The following CCSER1 variants were observed in gnomAD, a reference collection of about 807,000 sequenced individuals.
The protein encoded by CCSER1 is serine-rich coiled-coil domain-containing protein 1.
CCSER1 carries 41 observed loss-of-function variants against 82.0 expected under a neutral mutation model. The ratio of observed to expected loss-of-function variants is 0.50; its 90% CI spans 0.39 to 0.65. The LOEUF is 0.65. Among genes scored for constraint, CCSER1 ranks in the 30% least tolerant of loss-of-function variants. CCSER1 has a pLI of 0.00. For synonymous variants in CCSER1, 414 were observed against 383.9 expected (o/e 1.08, Z -0.92); for missense variants, 1,119 against 1,064.2 (o/e 1.05, Z -0.72).
At chr4:90,738,853 T>C (rs1426148712) in intron 7 of CCSER1, among the ~76,000 whole-genome samples, 2 of 152,130 alleles carry the variant, frequency 1.3e-5, no homozygotes, top group Admixed American at 1.3e-4. Flanking sequence ...CCTGAGTCTC[T>C]CCTTTCAGAG....
intron 8 of CCSER1, among the ~76,000 whole-genome samples, chr4:90,916,144 C>T (rs542165567): frequency 6.6e-6 from 1 of 152,228 alleles, no homozygotes; most frequent in African/African-American, 2.4e-5. Context: ...TGACTTTCCT[C>T]ACAGAATTGG....
chr4:90,930,855 C>T (rs1021455718), intron 9 of CCSER1, among the ~76,000 whole-genome samples: 4 of 145,650 alleles, frequency 2.7e-5, no homozygotes, highest in African/African-American at 1.0e-4. Flanking sequence ...ACATTGCTTT[C>T]CTTTGATGTG....
chr4:90,257,068 G>C (rs1723444049), intron 1 of CCSER1, among the ~76,000 whole-genome samples: 1 of 152,058 alleles, frequency 6.6e-6, no homozygotes, highest in Admixed American at 6.6e-5. Context: ...ATGGGTAAGA[G>C]AGGGATTGCT....
intron 3 of CCSER1, among the ~76,000 whole-genome samples, chr4:90,387,267 G>C (rs900189190): frequency 3.3e-5 from 5 of 151,820 alleles, no homozygotes; most frequent in African/African-American, 1.2e-4. Context: ...CTCCTTACCT[G>C]CAGATATGGC....
intron 9 of CCSER1, among the ~76,000 whole-genome samples, chr4:90,973,626 A>G (rs1191700882): frequency 6.6e-6 from 1 of 151,732 alleles, no homozygotes; most frequent in East Asian, 1.9e-4. Flanking sequence ...TTAGACTAGA[A>G]CTATCAAATA....
chr4:90,456,335 C>T (rs891398643), intron 4 of CCSER1, among the ~76,000 whole-genome samples: 24 of 152,180 alleles, frequency 1.6e-4, no homozygotes, highest in African/African-American at 4.6e-4. Flanking sequence ...TTATTCTACC[C>T]GGTATTATTA....
chr4:90,704,200 G>C (rs979506063), intron 6 of CCSER1, among the ~76,000 whole-genome samples: 4 of 152,186 alleles, frequency 2.6e-5, no homozygotes, highest in East Asian at 3.9e-4. Context: ...ATTTGCTTGT[G>C]TGTAAAGGAT....
intron 10 of CCSER1, among the ~76,000 whole-genome samples, chr4:91,133,661 A>G (rs1728199724): frequency 6.6e-6 from 1 of 152,198 alleles, no homozygotes; most frequent in Non-Finnish European, 1.5e-5. Context: ...ACAAGAAGCA[A>G]TATCATCCCA....
chr4:91,577,746 A>G (rs1763518321), intron 10 of CCSER1, among the ~76,000 whole-genome samples: 3 of 151,922 alleles, frequency 2.0e-5, no homozygotes, highest in Admixed American at 2.0e-4. Context: ...GCTGCCTTTT[A>G]TTTCAGGATA....
intron 10 of CCSER1, among the ~76,000 whole-genome samples, chr4:91,174,570 C>T (rs1038728850): frequency 6.6e-6 from 1 of 151,828 alleles, no homozygotes; most frequent in Non-Finnish European, 1.5e-5. Flanking sequence ...GGTTTTCAGC[C>T]CCACATGCAT....
In CCSER1 at chr4:90,628,067, C is replaced by CAGGT; in HGVS notation, c.1768_1771dup (p.Cys591Ter). Reference sequence around the variant, plus strand: ...TAACAAAGGACGTTGATCAAGAAGCCAGGTGTTCCCACATCAGCCGAATGC... The same window carrying CAGGT: ...TAACAAAGGACGTTGATCAAGAAGCCAGGTAGGTGTTCCCACATCAGCCGAATGC... On this transcript the variant is annotated frameshift_variant, in exon 6 of 11. Transcript: ENST00000509176. LOFTEE classifies it high-confidence loss of function. 6.2e-7 allele frequency: 1 copy of CAGGT among 1,613,408 alleles called. No individual in the cohort carries two copies. Among genetic ancestry groups the CAGGT allele is most frequent in the Non-Finnish European group, 8.5e-7 (1 of 1,179,646 alleles).
intron 7 of CCSER1, among the ~76,000 whole-genome samples, chr4:90,733,974 T>G (rs2149414249): frequency 6.6e-6 from 1 of 152,190 alleles, no homozygotes; most frequent in African/African-American, 2.4e-5. Context: ...TCCAATTTTG[T>G]TCTTTTTGCT....
chr4:91,473,443 C>T (rs549707141), intron 10 of CCSER1, among the ~76,000 whole-genome samples: 1 of 152,100 alleles, frequency 6.6e-6, no homozygotes, highest in African/African-American at 2.4e-5. Flanking sequence ...ATTGTGGGTT[C>T]GTACCTCATT....
At chr4:91,346,072 G>T (rs1054164791) in intron 10 of CCSER1, among the ~76,000 whole-genome samples, 3 of 150,020 alleles carry the variant, frequency 2.0e-5, no homozygotes, top group Non-Finnish European at 4.4e-5. Context: ...TCACCAGGCT[G>T]GAGTGCAGTG....
intron 8 of CCSER1, among the ~76,000 whole-genome samples, chr4:90,868,804 T>A (rs567970531): frequency 7.9e-5 from 12 of 152,262 alleles, no homozygotes; most frequent in African/African-American, 2.9e-4. Context: ...GTGGCTGTAC[T>A]AATTTACATT....
At chr4:90,706,691 AG>A (rs1739420647) in intron 6 of CCSER1, among the ~76,000 whole-genome samples, 1 of 152,222 alleles carries the variant, frequency 6.6e-6, no homozygotes, top group Admixed American at 6.5e-5. Flanking sequence ...CCTAAAGTTT[AG>A]AACATATGCT....
chr4:90,552,028 G>A (rs1201586221), intron 5 of CCSER1, among the ~76,000 whole-genome samples: 1 of 152,098 alleles, frequency 6.6e-6, no homozygotes, highest in African/African-American at 2.4e-5. Context: ...CATGGAGAAA[G>A]GCAGAAGGGA....
At chr4:91,285,130 A>T (rs1219969488) in intron 10 of CCSER1, among the ~76,000 whole-genome samples, 2 of 151,922 alleles carry the variant, frequency 1.3e-5, no homozygotes, top group Non-Finnish European at 2.9e-5. Context: ...ATTTCTTTTC[A>T]TAGGTCTCTC....
intron 7 of CCSER1, among the ~76,000 whole-genome samples, chr4:90,732,329 T>G (rs1744906331): frequency 6.6e-6 from 1 of 152,024 alleles, no homozygotes; most frequent in Non-Finnish European, 1.5e-5. Flanking sequence ...TACCCCTACA[T>G]TCAGAGATTT....
Sources: gnomAD v4.1 joint callset for allele counts (sites outside exome capture counted in the v4.1 genomes callset) on GRCh38, gnomAD v4.1.1 for gene constraint, MANE v1.5 for transcripts, NCBI Gene and HGNC (gene_info 2026-07-23, HGNC 2026-07-21) for gene names.